Variants in PARD3B observed in about 807,000 individuals in gnomAD.
The protein encoded by PARD3B is par-3 family cell polarity regulator beta.
Under a neutral mutation model 130.2 loss-of-function variants are expected in PARD3B, and 103 were observed. The observed-to-expected ratio is 0.79, with a 90% CI of 0.67 to 0.93. The LOEUF is 0.93. PARD3B is among the 40% of genes least tolerant of loss of function. The pLI is 0.00. For missense variants in PARD3B, 1,609 were observed against 1,499.2 expected (o/e 1.07, Z -1.21); for synonymous variants, 583 against 553.2 (o/e 1.05, Z -0.76).
intron 3 of PARD3B, among the ~76,000 whole-genome samples, chr2:205,009,097 A>G (rs371289930): frequency 2.0e-4 from 30 of 152,246 alleles, no homozygotes; most frequent in African/African-American, 7.2e-4. Flanking sequence ...AAACAAATTT[A>G]TGCAATACCT....
chr2:204,706,474 A>G (rs1234595475), intron 2 of PARD3B, among the ~76,000 whole-genome samples: 1 of 152,158 alleles, frequency 6.6e-6, no homozygotes, highest in African/African-American at 2.4e-5. Context: ...GCCAGTGACA[A>G]CTGATAGAAG....
chr2:205,608,285 ACCAT>A (rs145108950), intron 22 of PARD3B, among the ~76,000 whole-genome samples: 7,018 of 152,108 alleles, frequency 0.046, 522 homozygotes, highest in African/African-American at 0.16. Flanking sequence ...TTGGAATTGA[ACCAT>A]TGTCTGCTAC....
rs556288107 is a variant in PARD3B at position 205,121,761 on chromosome 2, C to T, written c.977C>T (p.Ser326Leu). The T allele has an allele frequency of 9.2e-5, 148 of 1,614,042 alleles. 1 individual carries two copies. The South Asian group carries it at 1.4e-3, about 15-fold the overall frequency. The change falls in exon 8 of 23, where the codon TCG becomes TTG. Residue 326 changes from serine to leucine, a missense_variant. By Grantham distance (145) the Ser-to-Leu change is moderately radical (BLOSUM62 -2). Coordinates refer to ENST00000406610, the MANE Select transcript of PARD3B (RefSeq NM_001302769.2). This position sits in a 1 kb window ranked among gnomAD's most constrained non-coding sequence, Gnocchi z 5.0. ...GTGCCGCCTCCTGTCCATGGAAAAT[C>T]GGGACTAAAGACAGCAAATCTCACA... is the stretch of plus-strand genomic sequence containing the variant. ...TKVPPPVHGK[S>L]GLKTANLTGT...
intron 2 of PARD3B, among the ~76,000 whole-genome samples, chr2:204,836,902 A>G (rs2125579368): frequency 6.6e-6 from 1 of 152,304 alleles, no homozygotes; most frequent in African/African-American, 2.4e-5. Context: ...TTTTATTATA[A>G]AAGTGTTATA....
rs73986205 is a variant in PARD3B, at chr2:204,758,938, G to T, written c.222+72656G>T. Among the ~76,000 whole-genome samples, 1,266 of 152,210 alleles carry T rather than the reference G, an allele frequency of 8.3e-3. 11 individuals carry two copies. The highest frequency in any genetic ancestry group is 0.028 in the African/African-American group (1,148 of 41,556). On this transcript the variant is annotated intron_variant, in intron 2 of 22. Transcript: ENST00000406610. ...TATATCTGATTTGAGTTCCTCAGTT[G>T]TCCTTCTCTGATGTTCTTGTTTCTT...
chr2:205,360,605 A>G (rs2044353896), intron 18 of PARD3B, among the ~76,000 whole-genome samples: 1 of 152,184 alleles, frequency 6.6e-6, no homozygotes, highest in Non-Finnish European at 1.5e-5. Flanking sequence ...TCCAACACCA[A>G]TCACAAAACA....
chr2:204,669,616 A>G lies in PARD3B; in HGVS notation c.121-16565A>G, dbSNP rs969159652. Among the ~76,000 whole-genome samples the G allele has an allele frequency of 6.6e-6, 1 of 152,168 alleles. No individual in the cohort carries two copies. The highest frequency in any genetic ancestry group is 1.5e-5 in the Non-Finnish European group (1 of 68,034). The stretch of plus-strand genomic sequence containing the variant: ...CCTATTTGGTTTATCAGGGAACACT[A>G]TTTCCTTGGTTGCAATAAATGTCCA... On this transcript the variant is annotated intron_variant, in intron 1 of 22. Coordinates refer to ENST00000406610, the MANE Select transcript of PARD3B (RefSeq NM_001302769.2). This position sits in a 1 kb window ranked among gnomAD's most constrained non-coding sequence, Gnocchi z 4.3.
rs1469679442 is a variant in PARD3B at position 205,616,216 on chromosome 2, G to A, written c.*403G>A. On this transcript the variant is annotated 3_prime_UTR_variant, in exon 23 of 23. Transcript: ENST00000406610. ...CTCTGAGACTGGCGGTCCAGAGGCA[G>A]TCTCTGCCAGGCAGCATTACCCGCT... is the stretch of plus-strand genomic sequence containing the variant. 3 of 174,140 alleles carry A rather than the reference G, an allele frequency of 1.7e-5. No individual in the cohort carries two copies. Among genetic ancestry groups the A allele is most frequent in the Non-Finnish European group, 3.6e-5 (3 of 83,218 alleles). 10.8% of individuals were successfully genotyped at this position (174,140 alleles called of 1,614,324 possible).
intron 1 of PARD3B, among the ~76,000 whole-genome samples, chr2:204,666,604 A>G (rs1355108972): frequency 6.6e-6 from 1 of 152,144 alleles, no homozygotes; most frequent in Non-Finnish European, 1.5e-5. Context: ...TAGATTTAGA[A>G]GATAAAGTCA....
intron 3 of PARD3B, among the ~76,000 whole-genome samples, chr2:205,020,265 G>T (rs908345651): frequency 4.6e-5 from 7 of 152,052 alleles, no homozygotes; most frequent in African/African-American, 1.4e-4. Flanking sequence ...CCCTTGTGTG[G>T]CATTTAAAGA....
chr2:205,133,575 T>C (rs2032207477), intron 10 of PARD3B, among the ~76,000 whole-genome samples: 1 of 152,204 alleles, frequency 6.6e-6, no homozygotes. Context: ...TAGGATAACT[T>C]AGTGGCTATT....
rs919136094 is a variant in PARD3B at position 204,906,761 on chromosome 2, T to C, written c.223-58391T>C. Among the ~76,000 whole-genome samples the C allele has an allele frequency of 6.6e-6, 1 of 152,224 alleles. No individual in the cohort carries two copies. Among genetic ancestry groups the C allele is most frequent in the Non-Finnish European group, 1.5e-5 (1 of 68,036 alleles). ...TTGTAATGTGGTCACCAGGTTGTGT[T>C]TTTTTCAGGCTTAATTTTATGTTAA... On this transcript the variant is annotated intron_variant, in intron 2 of 22. Transcript: ENST00000406610. This position sits in a 1 kb window ranked among gnomAD's most constrained non-coding sequence, Gnocchi z 4.3.
chr2:205,564,413 T>A lies in PARD3B; in HGVS notation c.3260+11010T>A, dbSNP rs2053246264. On this transcript the variant is annotated intron_variant, in intron 22 of 22. Coordinates refer to ENST00000406610, the MANE Select transcript of PARD3B (RefSeq NM_001302769.2). The surrounding 1 kb of genome is among the most constrained non-coding windows in gnomAD (Gnocchi z 4.6). ...TTAGCAAATTCAAACACCCACTTCC[T>A]TCCAGCCAAAATATTTTAAATGGTG... Among the ~76,000 whole-genome samples the A allele has an allele frequency of 6.6e-6, 1 of 152,204 alleles. No homozygotes were observed. Among genetic ancestry groups the A allele is most frequent in the Non-Finnish European group, 1.5e-5 (1 of 68,032 alleles).
rs1440235383 is a variant in PARD3B at position 205,078,395 on chromosome 2, G to A, written c.505-26031G>A. Among the ~76,000 whole-genome samples, 1 of 152,068 alleles carries A rather than the reference G, an allele frequency of 6.6e-6. No individual in the cohort carries two copies. The highest frequency in any genetic ancestry group is 2.4e-5 in the African/African-American group (1 of 41,420). On this transcript the variant is annotated intron_variant, in intron 4 of 22. Transcript: ENST00000406610. This position sits in a 1 kb window ranked among gnomAD's most constrained non-coding sequence, Gnocchi z 4.0. ...TTTCCTTTTATGTTTTCAGGTGAGA[G>A]TATTTCTTTTCTAAAGATAGACCAA...
rs2046384199 is a variant in PARD3B at position 205,405,353 on chromosome 2, T to A, written c.2741+4230T>A. On this transcript the variant is annotated intron_variant, in intron 19 of 22. Transcript: ENST00000406610. The surrounding 1 kb of genome is among the most constrained non-coding windows in gnomAD (Gnocchi z 4.1). Reference sequence around the variant, plus strand: ...CTTACAATGCACAGGACAGCTACCCTCCCCCACAACATGAATCATCCAACC... The same window carrying A: ...CTTACAATGCACAGGACAGCTACCCACCCCCACAACATGAATCATCCAACC... Among the ~76,000 whole-genome samples the A allele has an allele frequency of 6.6e-6, 1 of 152,066 alleles. No homozygotes were observed. The highest frequency in any genetic ancestry group is 1.5e-5 in the Non-Finnish European group (1 of 68,020).
chr2:204,876,209 T>C (rs940646583), intron 2 of PARD3B, among the ~76,000 whole-genome samples: 12 of 152,216 alleles, frequency 7.9e-5, no homozygotes, highest in African/African-American at 2.9e-4. Context: ...AAAACATTAA[T>C]TTTGGATTTA....
Position 204,889,995 on chromosome 2 carries a change from C to T in PARD3B, c.223-75157C>T, listed in dbSNP as rs188937806. Among the ~76,000 whole-genome samples the T allele has an allele frequency of 6.3e-3, 958 of 152,302 alleles. 5 individuals are homozygous for T. The highest frequency in any genetic ancestry group is 0.011 in the Non-Finnish European group (720 of 68,026). ...ATCTGAATTATATAATGTGTTTCTC[C>T]TTCTATAGAAAGAGGTATACAGTGT... On this transcript the variant is annotated intron_variant, in intron 2 of 22. Transcript: ENST00000406610.
intron 10 of PARD3B, among the ~76,000 whole-genome samples, chr2:205,140,693 G>T (rs1357623292): frequency 6.6e-6 from 1 of 152,024 alleles, no homozygotes; most frequent in Non-Finnish European, 1.5e-5. Flanking sequence ...AAAGTACAAT[G>T]TGTACTGTTA....
intron 4 of PARD3B, among the ~76,000 whole-genome samples, chr2:205,082,532 A>C (rs1443828900): frequency 1.1e-4 from 16 of 152,230 alleles, no homozygotes; most frequent in Admixed American, 1.0e-3. Flanking sequence ...CTGATAACGC[A>C]GAAAGCAAAA....
Sources: gnomAD v4.1 joint callset for allele counts (sites outside exome capture counted in the v4.1 genomes callset) on GRCh38, gnomAD v4.1.1 for gene constraint, Gnocchi (gnomAD v3.1) non-coding constraint, MANE v1.5 for transcripts, NCBI Gene and HGNC (gene_info 2026-07-23, HGNC 2026-07-21) for gene names.